Variants in EFR3A observed in about 807,000 individuals in gnomAD.
EFR3A encodes protein EFR3 homolog A.
Under a neutral mutation model 104.4 loss-of-function variants are expected in EFR3A, and 76 were observed. The ratio of observed to expected loss-of-function variants is 0.73; its 90% confidence interval spans 0.60 to 0.88. The LOEUF (loss-of-function observed/expected upper bound fraction) is 0.88. Among genes scored for constraint, EFR3A ranks in the 40% least tolerant of loss-of-function variants. The pLI, the probability that EFR3A is intolerant of heterozygous loss-of-function variation, is 0.00. For missense variants in EFR3A, 985 were observed against 1,012.5 expected, an observed-to-expected ratio of 0.97 and a Z score of 0.37; for synonymous variants, 330 against 330.0, an observed-to-expected ratio of 1.00 and a Z score of 0.00.
chr8:131,963,822 A>G lies in EFR3A; in HGVS notation c.855+4159A>G, dbSNP rs543641439. On this transcript the variant is annotated intron_variant, in intron 8 of 22. Transcript: ENST00000254624. ...ATGAACATCGATGCAAAAATCCTCA[A>G]TAAAATACTGGCAAACCAAATCCAG... Among the ~76,000 whole-genome samples the G allele has an allele frequency of 1.3e-3, 194 of 152,360 alleles. 1 individual carries two copies. Among genetic ancestry groups the G allele is most frequent in the African/African-American group, 4.4e-3 (182 of 41,586 alleles).
At chr8:131,938,403 T>C (rs1818013014) in intron 1 of EFR3A, 2 of 391,692 alleles carry the variant, frequency 5.1e-6, no homozygotes, top group East Asian at 7.2e-5. Flanking sequence ...TAATTTCTTT[T>C]GTGATTATTA....
chr8:131,952,827 A>G (rs1818776577), intron 5 of EFR3A, among the ~76,000 whole-genome samples: 1 of 152,136 alleles, frequency 6.6e-6, no homozygotes, highest in Admixed American at 6.6e-5. Context: ...TTATTTTGCC[A>G]TGGAGATGTA....
chr8:131,958,112 C>T (rs930545858), intron 7 of EFR3A, among the ~76,000 whole-genome samples: 2 of 151,996 alleles, frequency 1.3e-5, no homozygotes, highest in South Asian at 4.2e-4. Context: ...AGTGCATATG[C>T]GAACTATAAG....
intron 1 of EFR3A, among the ~76,000 whole-genome samples, chr8:131,925,961 A>G: frequency 6.6e-6 from 1 of 150,878 alleles, no homozygotes; most frequent in Non-Finnish European, 1.5e-5. Context: ...TAATGTTATT[A>G]TTTTTTTTTG....
At chr8:131,988,621 A>T (rs756697788) in intron 18 of EFR3A, among the ~76,000 whole-genome samples, 3 of 152,106 alleles carry the variant, frequency 2.0e-5, no homozygotes, top group Non-Finnish European at 2.9e-5. Flanking sequence ...ACAAAAGATT[A>T]TTAGAGCTTT....
At chr8:131,994,260 A>AG (rs1177044427) in intron 18 of EFR3A, among the ~76,000 whole-genome samples, 3 of 151,846 alleles carry the variant, frequency 2.0e-5, no homozygotes, top group South Asian at 2.1e-4. Context: ...AAAAAAAAAA[A>AG]AGAGAGAGAA....
chr8:131,940,597 G>A (rs546942635), intron 2 of EFR3A, 22 bp downstream of exon 2: 2 of 1,592,742 alleles, frequency 1.3e-6, no homozygotes, highest in African/African-American at 2.7e-5. Flanking sequence ...TACATCTACT[G>A]ATCCTTCTCT....
At chr8:131,930,129 A>T (rs1817514672) in intron 1 of EFR3A, among the ~76,000 whole-genome samples, 1 of 152,136 alleles carries the variant, frequency 6.6e-6, no homozygotes, top group Non-Finnish European at 1.5e-5. Context: ...TGCAGACTGC[A>T]CATCTGAAGG....
chr8:131,973,627 C>G (rs2130715111), intron 10 of EFR3A, among the ~76,000 whole-genome samples: 1 of 152,056 alleles, frequency 6.6e-6, no homozygotes, highest in Admixed American at 6.5e-5. Context: ...TTTAATTTCT[C>G]AGTATTCTGG....
At chr8:131,975,004 C>A (rs1197325376) in intron 10 of EFR3A, among the ~76,000 whole-genome samples, 1 of 152,146 alleles carries the variant, frequency 6.6e-6, no homozygotes, top group East Asian at 1.9e-4. Flanking sequence ...CTGTTCCAAT[C>A]TTTCAAAGAA....
intron 1 of EFR3A, among the ~76,000 whole-genome samples, chr8:131,937,157 T>C (rs1381338248): frequency 6.6e-6 from 1 of 152,108 alleles, no homozygotes; most frequent in Non-Finnish European, 1.5e-5. Flanking sequence ...TGTTAGGAAA[T>C]GGGAAGACCA....
chr8:131,949,472 T>A (rs1218801975), intron 4 of EFR3A, among the ~76,000 whole-genome samples: 3 of 152,092 alleles, frequency 2.0e-5, no homozygotes, highest in Non-Finnish European at 4.4e-5. Flanking sequence ...CAGATTATGT[T>A]TTTTTCTTCC....
chr8:131,986,353 T>C, intron 17 of EFR3A, 92 bp downstream of exon 17: 1 of 598,078 alleles, frequency 1.7e-6, no homozygotes, highest in Non-Finnish European at 2.8e-6. Flanking sequence ...TTACAATAAT[T>C]CCTGGTGCTT....
At chr8:131,904,443 G>A (rs1816139184) in intron 1 of EFR3A, 121 bp downstream of exon 1, 4 of 972,288 alleles carry the variant, frequency 4.1e-6, no homozygotes, top group African/African-American at 1.7e-5. Flanking sequence ...GCCAGGAAGT[G>A]TCTGCGAGCG....
intron 1 of EFR3A, among the ~76,000 whole-genome samples, chr8:131,923,877 G>A (rs1279792482): frequency 2.0e-5 from 3 of 152,048 alleles, no homozygotes; most frequent in African/African-American, 2.4e-5. Context: ...AGAACTAAGC[G>A]AAGATGAATG....
intron 18 of EFR3A, among the ~76,000 whole-genome samples, chr8:131,993,893 G>GA (rs1015932217): frequency 1.3e-5 from 2 of 152,056 alleles, no homozygotes; most frequent in African/African-American, 4.8e-5. Context: ...AGAACACACA[G>GA]ACACATAGAG....
At chr8:131,949,581 A>T (rs1275440198) in intron 4 of EFR3A, among the ~76,000 whole-genome samples, 1 of 152,030 alleles carries the variant, frequency 6.6e-6, no homozygotes, top group Non-Finnish European at 1.5e-5. Context: ...AGGCAGGAGG[A>T]TCATTTGAGG....
Position 131,964,270 on chromosome 8 carries a change from G to A in EFR3A, c.856-4025G>A, listed in dbSNP as rs969393459. ...TAAAGGGTATTCAATTAGGAAAAGAGGAAGTCAAATTGTCCCTGTTTGCAG... is the reference window on the plus strand; with the variant it reads ...TAAAGGGTATTCAATTAGGAAAAGAAGAAGTCAAATTGTCCCTGTTTGCAG... On this transcript the variant is annotated intron_variant, in intron 8 of 22. Coordinates refer to ENST00000254624, the MANE Select transcript of EFR3A (RefSeq NM_015137.6). Among the ~76,000 whole-genome samples, 233 of 152,058 alleles carry A rather than the reference G, an allele frequency of 1.5e-3. 1 individual carries two copies. The highest frequency in any genetic ancestry group is 5.3e-3 in the African/African-American group (220 of 41,444).
At chr8:131,995,155 A>G (rs1038697982) in intron 18 of EFR3A, among the ~76,000 whole-genome samples, 4 of 152,154 alleles carry the variant, frequency 2.6e-5, no homozygotes, top group Admixed American at 6.5e-5. Flanking sequence ...AGATCAGACT[A>G]GAAGCTTCCA....
Sources: allele counts gnomAD v4.1 joint callset (sites outside exome capture counted in the v4.1 genomes callset), GRCh38; gene constraint gnomAD v4.1.1; transcripts MANE v1.5; gene names NCBI Gene and HGNC (gene_info 2026-07-23, HGNC 2026-07-21).